Variants in GFRA2 observed in about 807,000 individuals in gnomAD.
GFRA2 encodes GDNF family receptor alpha 2, also known as GDNF family receptor alpha-2.
A neutral mutation model predicts 48.3 loss-of-function variants in GFRA2; 17 were observed. The observed-to-expected ratio is 0.35, with a 90% confidence interval of 0.24 to 0.53. The LOEUF (loss-of-function observed/expected upper bound fraction) is 0.53. Ranked by LOEUF, GFRA2 falls within the 20% of genes least tolerant of loss-of-function variation. The probability of loss-of-function intolerance (pLI) is 0.93; values close to 1 mark genes in which losing one functional copy is unlikely to be tolerated. For missense variants in GFRA2, 660 were observed against 637.3 expected (o/e 1.04, Z -0.38); for synonymous variants, 305 against 257.2 (o/e 1.19, Z -1.78).
chr8:21,772,104 C>T (rs2117695360), intron 3 of GFRA2, among the ~76,000 whole-genome samples: 1 of 152,216 alleles, frequency 6.6e-6, no homozygotes, highest in South Asian at 2.1e-4. Flanking sequence ...TTCTGTGTGC[C>T]TTGATGGGAC....
intron 2 of GFRA2, among the ~76,000 whole-genome samples, chr8:21,798,293 A>G (rs1807713268): frequency 6.6e-6 from 1 of 152,174 alleles, no homozygotes; most frequent in Non-Finnish European, 1.5e-5. Context: ...AGAGTTCAGC[A>G]CAGTCTGGGG....
rs751923438 is a variant in GFRA2 at position 21,750,578 on chromosome 8, C to T, written c.794+10G>A. ...CCTGCCAGCACCACCGGGGCTGCCG[C>T]GGCACTCACCGACACAGGTGGTCAG... On this transcript the variant is annotated intron_variant, in intron 4 of 8. Transcript: ENST00000524240. The surrounding 1 kb of genome is among the most constrained non-coding windows in gnomAD (Gnocchi z 5.7). The T allele has an allele frequency of 1.5e-5, 23 of 1,546,062 alleles. No individual in the cohort carries two copies. The highest frequency in any genetic ancestry group is 1.4e-4 in the East Asian group (6 of 42,842).
At chr8:21,718,243 A>G (rs1469604669) in intron 4 of GFRA2, among the ~76,000 whole-genome samples, 1 of 152,184 alleles carries the variant, frequency 6.6e-6, no homozygotes, top group African/African-American at 2.4e-5. Context: ...GGTTATTATT[A>G]GGGGCAGTTT....
chr8:21,694,063 ATATT>A (rs1043756190), intron 8 of GFRA2, among the ~76,000 whole-genome samples: 31 of 115,600 alleles, frequency 2.7e-4, no homozygotes, highest in Admixed American at 5.7e-4. Flanking sequence ...ATTTATATAT[ATATT>A]TATTTATTTT....
chr8:21,768,062 A>C (rs1380733543), intron 3 of GFRA2, among the ~76,000 whole-genome samples: 1 of 152,116 alleles, frequency 6.6e-6, no homozygotes, highest in African/African-American at 2.4e-5. Context: ...TGGCGGCCCC[A>C]AGCGCCGTGA....
intron 4 of GFRA2, among the ~76,000 whole-genome samples, chr8:21,743,139 C>G (rs894349527): frequency 1.9e-4 from 29 of 152,218 alleles, no homozygotes; most frequent in African/African-American, 6.0e-4. Context: ...GAGCAGAGCC[C>G]CTACTGAGAC....
chr8:21,740,049 G>A (rs940681258), intron 4 of GFRA2, among the ~76,000 whole-genome samples: 1 of 152,182 alleles, frequency 6.6e-6, no homozygotes, highest in Non-Finnish European at 1.5e-5. Flanking sequence ...CCTAAGCACA[G>A]TGCAGTGGAC....
chr8:21,720,171 G>T (rs900427862), intron 4 of GFRA2, among the ~76,000 whole-genome samples: 6 of 152,060 alleles, frequency 3.9e-5, no homozygotes, highest in African/African-American at 9.7e-5. Context: ...GACACATAAC[G>T]TATGGAGAAA....
chr8:21,698,063 C>A (rs779239229), intron 7 of GFRA2, among the ~76,000 whole-genome samples: 1 of 152,150 alleles, frequency 6.6e-6, no homozygotes, highest in Non-Finnish European at 1.5e-5. Context: ...GAGAAGCCTG[C>A]CTGTGGGTCT....
chr8:21,713,964 G>A (rs1803200115), intron 4 of GFRA2, among the ~76,000 whole-genome samples: 1 of 152,126 alleles, frequency 6.6e-6, no homozygotes, highest in South Asian at 2.1e-4. Context: ...GCCAGAGAAA[G>A]CCCACAGTTA....
At chr8:21,728,209 C>A (rs73219527) in intron 4 of GFRA2, among the ~76,000 whole-genome samples, 3 of 149,454 alleles carry the variant, frequency 2.0e-5, no homozygotes, top group African/African-American at 7.4e-5. Context: ...CCAGGACACA[C>A]TGGATTCCTG....
chr8:21,774,924 A>C lies in GFRA2; in HGVS notation c.439+48T>G, dbSNP rs994704517. On this transcript the variant is annotated intron_variant, in intron 3 of 8. Coordinates refer to ENST00000524240, the MANE Select transcript of GFRA2 (RefSeq NM_001495.5). ...AGCCCAGAGCTCCATCTGCCATGCC[A>C]CAGGGACGAGAGGAGAACGGGCCAA... is the stretch of plus-strand genomic sequence containing the variant. The C allele has an allele frequency of 2.0e-5, 21 of 1,027,690 alleles. No individual in the cohort carries two copies. In the African/African-American group the frequency reaches 3.1e-4, roughly 15 times the overall value. The allele number at this position is 1,027,690 out of a possible 1,614,324, so 63.7% of individuals were successfully genotyped here.
At position 21,731,156 on chromosome 8, in the gene GFRA2, C is replaced by T. The variant is rs149683362; in HGVS notation, c.794+19432G>A. ...CTGTCACCACCACCAACTCCCCCAG[C>T]GTCACGTGGCGAGGTAGTGACAGCT... On this transcript the variant is annotated intron_variant, in intron 4 of 8. Coordinates refer to ENST00000524240, the MANE Select transcript of GFRA2 (RefSeq NM_001495.5). Among the ~76,000 whole-genome samples the T allele has an allele frequency of 7.3e-3, 1,110 of 152,258 alleles. 8 individuals carry two copies. The highest frequency in any genetic ancestry group is 0.011 in the Non-Finnish European group (771 of 68,022).
At chr8:21,697,877 C>T (rs1021760444) in intron 7 of GFRA2, among the ~76,000 whole-genome samples, 26 of 152,148 alleles carry the variant, frequency 1.7e-4, no homozygotes, top group African/African-American at 2.4e-4. Flanking sequence ...CCATGTAAGA[C>T]GTCCCTTTGC....
intron 3 of GFRA2, among the ~76,000 whole-genome samples, chr8:21,768,370 C>A (rs940608967): frequency 6.6e-6 from 1 of 152,226 alleles, no homozygotes; most frequent in Non-Finnish European, 1.5e-5. Flanking sequence ...ATGAAGGGGG[C>A]AGGGAGAGCT....
intron 8 of GFRA2, among the ~76,000 whole-genome samples, chr8:21,694,044 T>G (rs1802019604): frequency 7.6e-6 from 1 of 131,330 alleles, no homozygotes; most frequent in African/African-American, 3.1e-5. Flanking sequence ...ATATATGAGA[T>G]ATATATATAT....
In GFRA2 at chr8:21,750,560, G is replaced by C; in HGVS notation, c.794+28C>G. On this transcript the variant is annotated intron_variant, in intron 4 of 8. Transcript: ENST00000524240. The surrounding 1 kb of genome is among the most constrained non-coding windows in gnomAD (Gnocchi z 5.7). ...TGGCAATGCAAGCGCCCTCCTGCCA[G>C]CACCACCGGGGCTGCCGCGGCACTC... 2 of 1,389,092 alleles carry C rather than the reference G, an allele frequency of 1.4e-6. No individual in the cohort carries two copies. The highest frequency in any genetic ancestry group is 2.0e-6 in the Non-Finnish European group (2 of 999,450). The allele number at this position is 1,389,092 out of a possible 1,614,324, so 86.0% of individuals were successfully genotyped here. A position where few individuals can be genotyped will look rare whatever the true frequency, so the allele number is the denominator to read the frequency against.
intron 4 of GFRA2, among the ~76,000 whole-genome samples, chr8:21,721,779 G>C (rs1803607998): frequency 1.3e-5 from 2 of 152,266 alleles, no homozygotes; most frequent in East Asian, 1.9e-4. Context: ...CCGTGGGCTG[G>C]AGCCTGCCCA....
At chr8:21,708,193 G>A (rs952609110) in intron 4 of GFRA2, among the ~76,000 whole-genome samples, 3 of 152,250 alleles carry the variant, frequency 2.0e-5, no homozygotes, top group Admixed American at 6.5e-5. Flanking sequence ...CACAGGAAAC[G>A]AGGAGGAAAT....
Sources: gnomAD v4.1 joint callset for allele counts (sites outside exome capture counted in the v4.1 genomes callset) on GRCh38, gnomAD v4.1.1 for gene constraint, Gnocchi (gnomAD v3.1) non-coding constraint, MANE v1.5 for transcripts, NCBI Gene and HGNC (gene_info 2026-07-23, HGNC 2026-07-21) for gene names.